Variants in C13orf46 observed in about 807,000 individuals in gnomAD.
The protein encoded by C13orf46 is uncharacterized protein C13orf46.
chr13:113,971,705 CGG>C (rs1421899861), intron 1 of C13orf46, among the ~76,000 whole-genome samples: 1 of 152,222 alleles, frequency 6.6e-6, no homozygotes, highest in African/African-American at 2.4e-5. Flanking sequence ...CTCACACATC[CGG>C]GCACCTGTGG....
downstream of C13orf46, among the ~76,000 whole-genome samples, chr13:113,951,975 G>C (rs973989368): frequency 1.6e-3 from 243 of 152,306 alleles, 1 homozygote; most frequent in Middle Eastern, 6.8e-3. Flanking sequence ...ATATGCACAG[G>C]GATTGAATAC....
At chr13:113,962,049 G>A (rs1384197406) in intron 6 of C13orf46, among the ~76,000 whole-genome samples, 2 of 152,220 alleles carry the variant, frequency 1.3e-5, no homozygotes, top group African/African-American at 4.8e-5. Flanking sequence ...GATGTATTGT[G>A]TTGGGCAGGT....
At chr13:113,958,862 C>A (rs1267181375) in intron 6 of C13orf46, among the ~76,000 whole-genome samples, 1 of 151,662 alleles carries the variant, frequency 6.6e-6, no homozygotes, top group Non-Finnish European at 1.5e-5. Context: ...GTGGTGGGGT[C>A]TCTCCTGGGG....
chr13:113,946,412 G>C, the C13orf46 span, among the ~76,000 whole-genome samples: 1 of 152,208 alleles, frequency 6.6e-6, no homozygotes, highest in Non-Finnish European at 1.5e-5. Flanking sequence ...AGGGCGTCCT[G>C]CAGGCTCTGC....
chr13:113,970,540 G>A (rs2052693145), intron 1 of C13orf46: 1 of 152,256 alleles, frequency 6.6e-6, no homozygotes, highest in African/African-American at 2.4e-5. Context: ...GAGGCTCCGG[G>A]ACCTCTTGAA....
At chr13:113,944,184 AG>A in the C13orf46 span, among the ~76,000 whole-genome samples, 2 of 152,018 alleles carry the variant, frequency 1.3e-5, no homozygotes, top group South Asian at 4.1e-4. Flanking sequence ...CTTGTCCTGG[AG>A]GCTGCCTTCC....
Position 113,956,151 on chromosome 13 carries a change from C to T in C13orf46, c.*622G>A, listed in dbSNP as rs921001353. 4.9e-3 allele frequency: 698 copies of T among 142,844 alleles called. 8 individuals carry two copies. Among genetic ancestry groups the T allele is most frequent in the African/African-American group, 0.018 (655 of 36,712 alleles). The allele number at this position is 142,844 out of a possible 1,614,324, so 8.8% of individuals were successfully genotyped here. ...GGCGGAGAGGAGGAGTAGTATTTGG[C>T]GAAGAGGAGGAGCATCCGGCGGAGA... On this transcript the variant is annotated 3_prime_UTR_variant, in exon 7 of 7. Transcript: ENST00000636427.
At chr13:113,934,629 C>G in the C13orf46 span, among the ~76,000 whole-genome samples, 8 of 152,384 alleles carry the variant, frequency 5.2e-5, no homozygotes, top group Non-Finnish European at 1.0e-4. Flanking sequence ...GAACTGCCCT[C>G]CAAACAGTGG....
the C13orf46 span, among the ~76,000 whole-genome samples, chr13:113,933,880 C>T: frequency 6.6e-5 from 10 of 152,298 alleles, no homozygotes; most frequent in Middle Eastern, 3.4e-3. Context: ...ATGGGCACCA[C>T]GCAAGTCACT....
At chr13:113,935,296 C>T in the C13orf46 span, among the ~76,000 whole-genome samples, 5 of 152,228 alleles carry the variant, frequency 3.3e-5, no homozygotes, top group Non-Finnish European at 5.9e-5. Context: ...TGGAAAGCCA[C>T]TGGGAGGGGC....
chr13:113,943,539 G>T, the C13orf46 span, among the ~76,000 whole-genome samples: 2 of 152,132 alleles, frequency 1.3e-5, no homozygotes, highest in Admixed American at 6.5e-5. Context: ...GCTTCAGAGG[G>T]CTGTGAAATG....
At chr13:113,941,977 A>C in the C13orf46 span, among the ~76,000 whole-genome samples, 1 of 152,196 alleles carries the variant, frequency 6.6e-6, no homozygotes, top group Non-Finnish European at 1.5e-5. Flanking sequence ...GTTTGCAATG[A>C]GCTGAAGTCC....
the C13orf46 span, among the ~76,000 whole-genome samples, chr13:113,938,081 G>A: frequency 2.0e-5 from 3 of 152,188 alleles, no homozygotes; most frequent in African/African-American, 7.2e-5. Context: ...TAGGCTCAGC[G>A]ATCTGGGGTC....
At chr13:113,966,038 T>TG (rs2052640332) in intron 5 of C13orf46, among the ~76,000 whole-genome samples, 2 of 151,300 alleles carry the variant, frequency 1.3e-5, no homozygotes, top group African/African-American at 2.4e-5. Flanking sequence ...ATGATAGTGA[T>TG]GGTGATGATG....
chr13:113,936,559 A>G, the C13orf46 span, among the ~76,000 whole-genome samples: 24 of 152,322 alleles, frequency 1.6e-4, no homozygotes, highest in East Asian at 4.6e-3. Flanking sequence ...CGAGAGCTGC[A>G]ATAGAGAAAC....
intron 1 of C13orf46, among the ~76,000 whole-genome samples, chr13:113,972,902 G>C (rs968781251): frequency 6.6e-6 from 1 of 152,120 alleles, no homozygotes; most frequent in South Asian, 2.1e-4. Context: ...GGCTGTGCCC[G>C]GCTGGAGCCC....
downstream of C13orf46, among the ~76,000 whole-genome samples, chr13:113,952,158 G>C (rs1450547513): frequency 6.6e-6 from 1 of 152,250 alleles, no homozygotes; most frequent in African/African-American, 2.4e-5. Context: ...GACACGGCAG[G>C]GAAGAGGTGG....
rs1449571801 is a variant in C13orf46 at position 113,955,793 on chromosome 13, C to T, written c.*980G>A. 102 of 137,832 alleles carry T rather than the reference C, an allele frequency of 7.4e-4. 2 individuals carry two copies. Among genetic ancestry groups the T allele is most frequent in the East Asian group, 6.7e-4 (3 of 4,484 alleles). 8.5% of individuals were successfully genotyped at this position (137,832 alleles called of 1,614,324 possible). A position where few individuals can be genotyped will look rare whatever the true frequency, so the allele number is the denominator to read the frequency against. ...GGAGACGAGGAGCAGCCGGCGGAGACGAGGAGCAGCCGGCGGAGACGAGGA... is the reference window on the plus strand; with the variant it reads ...GGAGACGAGGAGCAGCCGGCGGAGATGAGGAGCAGCCGGCGGAGACGAGGA... On this transcript the variant is annotated 3_prime_UTR_variant, in exon 7 of 7. Coordinates refer to ENST00000636427, the MANE Select transcript of C13orf46 (RefSeq NM_001365455.2).
At chr13:113,938,139 G>C in the C13orf46 span, among the ~76,000 whole-genome samples, 616 of 152,304 alleles carry the variant, frequency 4.0e-3, 10 homozygotes, top group East Asian at 0.049. Flanking sequence ...CTCAAAGGGG[G>C]AGTGGGATGT....
Sources: gnomAD v4.1 joint callset for allele counts (sites outside exome capture counted in the v4.1 genomes callset) on GRCh38, gnomAD v4.1.1 for gene constraint, MANE v1.5 for transcripts, NCBI Gene and HGNC (gene_info 2026-07-23, HGNC 2026-07-21) for gene names.